The following GLIS3 variants were observed in gnomAD, a reference collection of about 807,000 sequenced individuals.
The protein encoded by GLIS3 is zinc finger protein GLIS3.
A neutral mutation model predicts 78.6 loss-of-function variants in GLIS3; 53 were observed. The observed-to-expected ratio is 0.67, with a 90% CI of 0.54 to 0.85. The LOEUF is 0.85. Among genes scored for constraint, GLIS3 ranks in the 40% least tolerant of loss-of-function variants. The probability of loss-of-function intolerance (pLI) is 0.00; values close to 1 mark genes in which losing one functional copy is unlikely to be tolerated. For missense variants in GLIS3, 1,703 were observed against 1,231.1 expected (o/e 1.38, Z -5.74); for synonymous variants, 684 against 509.9 (o/e 1.34, Z -4.60).
the GLIS3 span, among the ~76,000 whole-genome samples, chr9:4,440,681 C>A: frequency 2.8e-4 from 43 of 152,230 alleles, no homozygotes; most frequent in Middle Eastern, 0.02. Context: ...TTAGGATTTT[C>A]TATTTCCATG....
chr9:4,097,879 CA>C (rs1830083181), intron 4 of GLIS3, among the ~76,000 whole-genome samples: 1 of 152,094 alleles, frequency 6.6e-6, no homozygotes, highest in Non-Finnish European at 1.5e-5. Flanking sequence ...CCCCACAAAA[CA>C]AAAAAGTCTG....
rs1039217926 is a variant in GLIS3, at chr9:3,826,687, G to A, written c.*1585C>T. On this transcript the variant is annotated 3_prime_UTR_variant, in exon 11 of 11. Transcript: ENST00000381971. ...CTTGTGGGACTGTGGAGGGAGACTG[G>A]AAGGACCTGTCAGTATACAAACTGT... 6.6e-6 allele frequency: 1 copy of A among 152,190 alleles called. No individual in the cohort carries two copies. Among genetic ancestry groups the A allele is most frequent in the Non-Finnish European group, 1.5e-5 (1 of 68,032 alleles). 9.4% of individuals were successfully genotyped at this position (152,190 alleles called of 1,614,324 possible).
At chr9:3,854,824 G>A (rs1021492529) in intron 9 of GLIS3, among the ~76,000 whole-genome samples, 10 of 152,024 alleles carry the variant, frequency 6.6e-5, no homozygotes, top group African/African-American at 1.9e-4. Context: ...GATTACAGGC[G>A]TGAGCCACCA....
At chr9:4,293,814 G>C (rs896497664) in intron 1 of GLIS3, among the ~76,000 whole-genome samples, 1 of 152,222 alleles carries the variant, frequency 6.6e-6, no homozygotes, top group Non-Finnish European at 1.5e-5. Context: ...CTGCAGTTGA[G>C]CAAGTCTTGC....
chr9:3,946,659 T>C (rs10491899), intron 4 of GLIS3, among the ~76,000 whole-genome samples: 33,069 of 152,096 alleles, frequency 0.22, 3,735 homozygotes, highest in East Asian at 0.24. Context: ...TCTGAGAAAT[T>C]TGTAGCAACA....
intron 6 of GLIS3, among the ~76,000 whole-genome samples, chr9:3,926,240 T>TTG (rs1825232975): frequency 6.7e-6 from 1 of 149,682 alleles, no homozygotes; most frequent in African/African-American, 2.4e-5. Context: ...TTTGTTTTTT[T>TTG]TTTTTTCTTT....
At chr9:4,224,070 G>C (rs1379967286) in intron 2 of GLIS3, among the ~76,000 whole-genome samples, 1 of 151,462 alleles carries the variant, frequency 6.6e-6, no homozygotes, top group Non-Finnish European at 1.5e-5. Flanking sequence ...AGTGCCAAAT[G>C]GTATTTATAC....
the GLIS3 span, among the ~76,000 whole-genome samples, chr9:4,449,958 C>T: frequency 2.0e-5 from 3 of 152,122 alleles, no homozygotes; most frequent in Non-Finnish European, 2.9e-5. Context: ...GATCACAGCT[C>T]CTCACTAGCA....
the GLIS3 span, among the ~76,000 whole-genome samples, chr9:4,374,083 C>G: frequency 0.93 from 141,007 of 152,260 alleles, 65,478 homozygotes; most frequent in East Asian, 1. Flanking sequence ...ATGCTTTTGG[C>G]GGATACACGA....
At chr9:4,098,991 C>G (rs1036915011) in intron 4 of GLIS3, among the ~76,000 whole-genome samples, 1 of 152,106 alleles carries the variant, frequency 6.6e-6, no homozygotes, top group African/African-American at 2.4e-5. Flanking sequence ...CATAACAGAC[C>G]AGAATGTGTC....
intron 2 of GLIS3, among the ~76,000 whole-genome samples, chr9:4,166,126 G>C (rs1234582154): frequency 1.3e-5 from 2 of 152,220 alleles, no homozygotes; most frequent in Non-Finnish European, 2.9e-5. Context: ...GGCAAATGCA[G>C]AAAACAATGG....
chr9:4,348,946 G>T (rs1817927948), upstream of GLIS3, among the ~76,000 whole-genome samples: 1 of 151,952 alleles, frequency 6.6e-6, no homozygotes. Flanking sequence ...TTTTTCCATA[G>T]GAAACATATA....
chr9:4,005,166 T>G (rs1821442804), intron 4 of GLIS3, among the ~76,000 whole-genome samples: 3 of 152,216 alleles, frequency 2.0e-5, no homozygotes, highest in Admixed American at 1.3e-4. Flanking sequence ...TTGAAATAAC[T>G]GTTGTAAGAG....
Position 3,993,988 on chromosome 9 carries a change from C to A in GLIS3, c.1711-56799G>T, listed in dbSNP as rs1820536329. On this transcript the variant is annotated intron_variant, in intron 4 of 10. Transcript: ENST00000381971. ...GTCATTTCTAACCTCTACTACGCAT[C>A]AGAGTCATCCAGAGAGCTTGTTAAA... Among the ~76,000 whole-genome samples the A allele has an allele frequency of 1.3e-5, 2 of 152,206 alleles. 1 individual carries two copies.
chr9:3,915,199 C>T (rs988487545), intron 6 of GLIS3, among the ~76,000 whole-genome samples: 2 of 152,184 alleles, frequency 1.3e-5, no homozygotes, highest in African/African-American at 4.8e-5. Context: ...TCATGTTTAT[C>T]ATCTACCATT....
At chr9:4,101,514 T>C (rs144070860) in intron 4 of GLIS3, among the ~76,000 whole-genome samples, 12 of 152,284 alleles carry the variant, frequency 7.9e-5, no homozygotes, top group African/African-American at 2.4e-4. Context: ...AAACAAAATA[T>C]CCCAAAACTC....
chr9:4,165,820 G>C (rs936639875), intron 2 of GLIS3, among the ~76,000 whole-genome samples: 4 of 152,214 alleles, frequency 2.6e-5, no homozygotes, highest in Non-Finnish European at 5.9e-5. Context: ...GGGTGAGATT[G>C]CTCAGGCATC....
At chr9:4,241,107 C>T (rs1823266674) in intron 2 of GLIS3, among the ~76,000 whole-genome samples, 1 of 152,104 alleles carries the variant, frequency 6.6e-6, no homozygotes, top group Non-Finnish European at 1.5e-5. Flanking sequence ...TGATTATGAC[C>T]TTACCAGAAA....
the GLIS3 span, among the ~76,000 whole-genome samples, chr9:4,452,364 G>A: frequency 6.6e-6 from 1 of 152,122 alleles, no homozygotes; most frequent in African/African-American, 2.4e-5. Flanking sequence ...GTTCAAATAG[G>A]AAGACAGGAA....
Sources: allele counts gnomAD v4.1 joint callset (sites outside exome capture counted in the v4.1 genomes callset), GRCh38; gene constraint gnomAD v4.1.1; transcripts MANE v1.5; gene names NCBI Gene and HGNC (gene_info 2026-07-23, HGNC 2026-07-21).